Variants in CD22 observed in about 807,000 individuals in gnomAD.
The protein encoded by CD22 is CD22 molecule.
CD22 carries 51 observed loss-of-function variants against 94.7 expected under a neutral mutation model. That is an observed-to-expected ratio of 0.54 (90% CI 0.43 to 0.68). The LOEUF is 0.68. Ranked by LOEUF, CD22 falls within the 30% of genes least tolerant of loss-of-function variation. The probability of loss-of-function intolerance (pLI) is 0.00; values close to 1 mark genes in which losing one functional copy is unlikely to be tolerated. For missense variants in CD22, 931 were observed against 1,060.4 expected, an observed-to-expected ratio of 0.88 and a Z score of 1.69; for synonymous variants, 424 against 422.5, an observed-to-expected ratio of 1.00 and a Z score of -0.04.
Position 35,346,219 on chromosome 19 carries a change from T to C in CD22, c.2396T>C (p.Leu799Ser), listed in dbSNP as rs756957513. 6.2e-7 allele frequency: 1 copy of C among 1,613,990 alleles called. No individual in the cohort carries two copies. The highest frequency in any genetic ancestry group is 8.5e-7 in the Non-Finnish European group (1 of 1,179,860). Residue 799 changes from leucine to serine, a missense_variant, in exon 13 of 14, where the codon TTG becomes TCG. Physicochemically the swap from Leu to Ser is moderately radical, Grantham distance 145. Coordinates refer to ENST00000085219, the MANE Select transcript of CD22 (RefSeq NM_001771.4). ...DCDDTVTYSA[L>S]HKRQVGDYEN... ...GATGACACGGTCACTTATTCAGCAT[T>C]GCACAAGCGCCAAGTGGTAAGGAGG...
rs200382303 is a variant in CD22 at position 35,342,011 on chromosome 19, T to G, written c.2035+46T>G. The G allele has an allele frequency of 6.3e-4, 232 of 367,032 alleles. 1 individual carries two copies. In the East Asian group the frequency reaches 0.018, roughly 28 times the overall value. 22.7% of individuals were successfully genotyped at this position (367,032 alleles called of 1,614,324 possible). ...TGTTCTTCTTGGTGGTGGTCAGTCC[T>G]TCCTTCCTTCCTTCCTTCCTTCCTT... On this transcript the variant is annotated intron_variant, in intron 9 of 13. Transcript: ENST00000085219.
chr19:35,344,799 T>C, intron 9 of CD22, 30 bp from the exon 10 acceptor site: 4 of 1,530,262 alleles, frequency 2.6e-6, no homozygotes, highest in Non-Finnish European at 2.7e-6. Context: ...GGCCCCTCAG[T>C]TGATTAAGGT....
chr19:35,338,256 T>G lies in CD22; in HGVS notation c.1074T>G (p.Asn358Lys), dbSNP rs765265829. ...AGTTTCTTTGCATGTCACTGGCCAA[T>G]CCTCTTCCAACAAATTACACGTGGT... ...QVEFLCMSLA[N>K]PLPTNYTWYH... The change falls in exon 6 of 14, where the codon AAT (asparagine) becomes AAG (lysine). Residue 358 changes from asparagine to lysine, a missense_variant. Physicochemically the swap from Asn to Lys is moderately conservative, Grantham distance 94. Coordinates refer to ENST00000085219, the MANE Select transcript of CD22 (RefSeq NM_001771.4). 12 of 1,614,168 alleles carry G rather than the reference T, an allele frequency of 7.4e-6. No individual in the cohort carries two copies. Among genetic ancestry groups the G allele is most frequent in the Non-Finnish European group, 1.0e-5 (12 of 1,180,032 alleles).
At chr19:35,344,764 C>T in intron 9 of CD22, 65 bp from the exon 10 acceptor site, 2 of 1,246,460 alleles carry the variant, frequency 1.6e-6, no homozygotes, top group Non-Finnish European at 1.1e-6. Flanking sequence ...GGATGCCTTC[C>T]AGGCAAAGGC....
intron 1 of CD22, among the ~76,000 whole-genome samples, chr19:35,330,421 T>C (rs2066629081): frequency 6.6e-6 from 1 of 152,222 alleles, no homozygotes; most frequent in African/African-American, 2.4e-5. Context: ...TTTTTGCATG[T>C]GACATGATGA....
At position 35,338,290 on chromosome 19, in the gene CD22, G is replaced by A. The variant is rs373987723; in HGVS notation, c.1108G>A (p.Gly370Arg). ...AACAAATTACACGTGGTACCACAAT[G>A]GGAAAGAAATGCAGGGAAGGACAGA... ...LPTNYTWYHN[G>R]KEMQGRTEEK... The change falls in exon 6 of 14, where the codon GGG (glycine) becomes AGG (arginine). Residue 370 changes from glycine to arginine, a missense_variant. Physicochemically the swap from Gly to Arg is moderately radical, Grantham distance 125. Transcript: ENST00000085219. 3 of 1,614,258 alleles carry A rather than the reference G, an allele frequency of 1.9e-6. No individual in the cohort carries two copies. The highest frequency in any genetic ancestry group is 2.5e-6 in the Non-Finnish European group (3 of 1,180,044).
rs762860609 is a variant in CD22, at chr19:35,332,959, G to A, written c.412+35G>A. The A allele has an allele frequency of 3.1e-6, 5 of 1,592,722 alleles. No homozygotes were observed. In the South Asian group the frequency reaches 5.6e-5, roughly 18 times the overall value. On this transcript the variant is annotated intron_variant, in intron 3 of 13. Coordinates refer to ENST00000085219, the MANE Select transcript of CD22 (RefSeq NM_001771.4). ...TCGGGGAGCGGGTCCTCTGCTCTGG[G>A]CAGGGGTGAGTGGGAGGCAGGAAAT...
Position 35,345,589 on chromosome 19 carries a change from G to C in CD22, c.2209-13G>C. On this transcript the variant is annotated splice_polypyrimidine_tract_variant and intron_variant, in intron 11 of 13. Transcript: ENST00000085219. Reference sequence around the variant, plus strand: ...AACAGGTGGTTAGCACTTCATCCTCGTCTCCCTCCCAGGTTAGAAGGGCCC... The same window carrying C: ...AACAGGTGGTTAGCACTTCATCCTCCTCTCCCTCCCAGGTTAGAAGGGCCC... 6.5e-7 allele frequency: 1 copy of C among 1,534,578 alleles called. No homozygotes were observed.
At position 35,341,387 on chromosome 19, in the gene CD22, G is replaced by A. The variant is rs747460337; in HGVS notation, c.1552G>A (p.Glu518Lys). ...GGTCCGGAAAATCAAGCCCCTTTCCGAGATTCACTCTGGAAACTCGGTCAG... is the reference window on the plus strand; with the variant it reads ...GGTCCGGAAAATCAAGCCCCTTTCCAAGATTCACTCTGGAAACTCGGTCAG... ...VRVRKIKPLSEIHSGNSVSLQ... is the reference protein window; with the variant it reads ...VRVRKIKPLSKIHSGNSVSLQ... Residue 518 changes from glutamate to lysine, a missense_variant, in exon 8 of 14, where the codon GAG becomes AAG. Glu to Lys is a moderately conservative substitution (Grantham distance 56). Coordinates refer to ENST00000085219, the MANE Select transcript of CD22 (RefSeq NM_001771.4). This position sits in a 1 kb window ranked among gnomAD's most constrained non-coding sequence, Gnocchi z 4.0. 6 of 1,613,582 alleles carry A rather than the reference G, an allele frequency of 3.7e-6. No individual in the cohort carries two copies. The highest frequency in any genetic ancestry group is 1.7e-5 in the Admixed American group (1 of 59,934).
intron 1 of CD22, 177 bp from the exon 2 acceptor site, chr19:35,331,838 CTCTG>C (rs1384898903): frequency 1.3e-5 from 16 of 1,278,196 alleles, no homozygotes; most frequent in Non-Finnish European, 2.1e-6. Context: ...CAGAGCAAGA[CTCTG>C]TCTCAAAAAA....
At chr19:35,332,368 T>C (rs1296796940) in intron 2 of CD22, 179 bp from the exon 3 acceptor site, 4 of 706,384 alleles carry the variant, frequency 5.7e-6, no homozygotes, top group Non-Finnish European at 8.9e-6. Context: ...TCTCAGCACT[T>C]TGTGAGGCTG....
rs746519611 is a variant in CD22 at position 35,341,774 on chromosome 19, C to T, written c.1844C>T (p.Thr615Ile). ...QVMEGKSATLTCESDANPPVS... is the reference protein window; with the variant it reads ...QVMEGKSATLICESDANPPVS... ...ATGGAGGGGAAGAGTGCAACCCTGACCTGTGAGAGCGACGCCAACCCTCCC... is the reference window on the plus strand; with the variant it reads ...ATGGAGGGGAAGAGTGCAACCCTGATCTGTGAGAGCGACGCCAACCCTCCC... The change falls in exon 9 of 14, where the codon ACC (threonine) becomes ATC (isoleucine). Residue 615 changes from threonine (T) to isoleucine (I), a missense_variant. Coordinates refer to ENST00000085219, the MANE Select transcript of CD22 (RefSeq NM_001771.4). This position sits in a 1 kb window ranked among gnomAD's most constrained non-coding sequence, Gnocchi z 4.0. 1 of 1,612,838 alleles carries T rather than the reference C, an allele frequency of 6.2e-7. No homozygotes were observed. The highest frequency in any genetic ancestry group is 1.7e-5 in the Admixed American group (1 of 60,002).
intron 3 of CD22, 191 bp downstream of exon 3, chr19:35,333,115 T>A (rs2066668991): frequency 3.5e-6 from 2 of 574,974 alleles, no homozygotes; most frequent in African/African-American, 3.7e-5. Flanking sequence ...CATCTGACCC[T>A]CAGTTCCTGC....
At chr19:35,340,825 A>C in intron 6 of CD22, 56 bp from the exon 7 acceptor site, 1 of 1,604,184 alleles carries the variant, frequency 6.2e-7, no homozygotes, top group Non-Finnish European at 8.5e-7. Context: ...AGCAGGAGGG[A>C]AGGGGTACTG....
At chr19:35,343,168 C>T in intron 9 of CD22, among the ~76,000 whole-genome samples, 1 of 151,266 alleles carries the variant, frequency 6.6e-6, no homozygotes, top group East Asian at 1.9e-4. Context: ...GGCACAATCT[C>T]AGCTCCTGCA....
Position 35,332,657 on chromosome 19 carries a change from C to A in CD22, c.145C>A (p.Leu49Ile), listed in dbSNP as rs776788774. 7 of 1,614,040 alleles carry A rather than the reference C, an allele frequency of 4.3e-6. No homozygotes were observed. Among genetic ancestry groups the A allele is most frequent in the Non-Finnish European group, 5.9e-6 (7 of 1,180,026 alleles). ...CTGGATCCCCTGCACCTACAGAGCCCTAGATGGTGACCTGGAAAGCTTCAT... is the reference window on the plus strand; with the variant it reads ...CTGGATCCCCTGCACCTACAGAGCCATAGATGGTGACCTGGAAAGCTTCAT... ...CVWIPCTYRA[L>I]DGDLESFILF... The change falls in exon 3 of 14, where the codon CTA (leucine) becomes ATA (isoleucine). Residue 49 changes from leucine (L) to isoleucine (I), a missense_variant. Transcript: ENST00000085219.
intron 11 of CD22, 105 bp from the exon 12 acceptor site, chr19:35,345,497 A>C: frequency 1.5e-6 from 1 of 678,256 alleles, no homozygotes; most frequent in Non-Finnish European, 2.6e-6. Context: ...AGGTGAAGGA[A>C]GGGGATAAAA....
In CD22 at chr19:35,341,177, C is replaced by T; in HGVS notation, c.1507+39C>T. The T allele has an allele frequency of 6.2e-7, 1 of 1,611,886 alleles. No homozygotes were observed. Among genetic ancestry groups the T allele is most frequent in the Non-Finnish European group, 8.5e-7 (1 of 1,178,262 alleles). On this transcript the variant is annotated intron_variant, in intron 7 of 13. Coordinates refer to ENST00000085219, the MANE Select transcript of CD22 (RefSeq NM_001771.4). This position sits in a 1 kb window ranked among gnomAD's most constrained non-coding sequence, Gnocchi z 4.0. ...CTAGGCAGGGGGATCTGGGAGGTGG[C>T]CCGGCTGGGATGAGGGGATGAAGGC...
intron 1 of CD22, 173 bp from the exon 2 acceptor site, chr19:35,331,846 C>CAA: frequency 2.3e-6 from 3 of 1,316,534 alleles, no homozygotes; most frequent in Non-Finnish European, 3.0e-6. Context: ...GACTCTGTCT[C>CAA]AAAAAAAAAG....
Sources: gnomAD v4.1 joint callset for allele counts (sites outside exome capture counted in the v4.1 genomes callset) on GRCh38, gnomAD v4.1.1 for gene constraint, Gnocchi (gnomAD v3.1) non-coding constraint, MANE v1.5 for transcripts, NCBI Gene and HGNC (gene_info 2026-07-23, HGNC 2026-07-21) for gene names.